Variants in TRPA1 observed in about 807,000 individuals in gnomAD.
TRPA1 encodes the protein ankyrin-like with transmembrane domains 1.
In TRPA1, 129 loss-of-function variants were observed where a neutral mutation model predicts 131.3. The observed-to-expected ratio is 0.98, with a 90% CI of 0.85 to 1.14. TRPA1 has a LOEUF of 1.14. Ranked by LOEUF, TRPA1 falls within the 50% of genes most tolerant of loss-of-function variation. TRPA1 has a pLI of 0.00. For synonymous variants in TRPA1, 441 were observed against 451.7 expected, an observed-to-expected ratio of 0.98 and a Z score of 0.30; for missense variants, 1,304 against 1,354.2, an observed-to-expected ratio of 0.96 and a Z score of 0.58.
upstream of TRPA1, among the ~76,000 whole-genome samples, chr8:72,076,277 G>A (rs535675313): frequency 2.6e-5 from 4 of 152,262 alleles, no homozygotes; most frequent in Non-Finnish European, 5.9e-5. Context: ...AAGTTTGTTT[G>A]CCCCCAGCTT....
chr8:72,037,186 T>C (rs982188450), intron 20 of TRPA1, among the ~76,000 whole-genome samples: 4 of 152,168 alleles, frequency 2.6e-5, no homozygotes, highest in Non-Finnish European at 4.4e-5. Context: ...GTACTTGCAA[T>C]GTATAATATT....
the TRPA1 span, among the ~76,000 whole-genome samples, chr8:72,086,410 G>T: frequency 4.6e-5 from 7 of 151,864 alleles, no homozygotes; most frequent in Non-Finnish European, 1.0e-4. Flanking sequence ...TAGGTTTTCC[G>T]CATTCTGTAC....
chr8:72,061,430 T>G (rs1805805128), intron 7 of TRPA1, among the ~76,000 whole-genome samples, 195 bp downstream of exon 7: 1 of 152,224 alleles, frequency 6.6e-6, no homozygotes, highest in Admixed American at 6.5e-5. Context: ...TTTTGTGAAA[T>G]TTCTTTAACA....
chr8:72,025,105 CGTGTGTGTGT>C (rs71265963), intron 25 of TRPA1, among the ~76,000 whole-genome samples: 35 of 120,222 alleles, frequency 2.9e-4, no homozygotes, highest in East Asian at 1.2e-3. Context: ...TGTGTGTGTT[CGTGTGTGTGT>C]GTGTGTGTGT....
intron 10 of TRPA1, chr8:72,056,318 G>T (rs1051007885): frequency 5.7e-6 from 1 of 176,882 alleles, no homozygotes; most frequent in African/African-American, 2.4e-5. Flanking sequence ...AATGATAAAT[G>T]AGAAGCTTAA....
chr8:72,076,695 G>A (rs1039870263), upstream of TRPA1: 3 of 152,246 alleles, frequency 2.0e-5, no homozygotes, highest in Non-Finnish European at 4.4e-5. Flanking sequence ...TGGACATGAT[G>A]ATATTGAGGA....
intron 26 of TRPA1, chr8:72,023,404 G>A (rs978972409): frequency 6.1e-5 from 30 of 493,816 alleles, no homozygotes; most frequent in Non-Finnish European, 9.2e-5. Flanking sequence ...CAGTTATTAC[G>A]TACCTAGTTG....
chr8:72,058,848 A>T (rs1384059064), intron 8 of TRPA1, among the ~76,000 whole-genome samples: 2 of 152,224 alleles, frequency 1.3e-5, no homozygotes, highest in East Asian at 3.8e-4. Context: ...CATCCGTATA[A>T]AGGGCATATT....
At chr8:72,061,879 T>G in intron 6 of TRPA1, 118 bp from the exon 7 acceptor site, 1 of 1,076,472 alleles carries the variant, frequency 9.3e-7, no homozygotes, top group East Asian at 2.6e-5. Flanking sequence ...TCTATCAGGC[T>G]GATCACCATT....
At chr8:72,056,803 C>T in intron 10 of TRPA1, 114 bp downstream of exon 10, 1 of 774,206 alleles carries the variant, frequency 1.3e-6, no homozygotes, top group Non-Finnish European at 2.2e-6. Flanking sequence ...TATTTTAAAA[C>T]ATTTTTAAAA....
At chr8:72,050,627 C>A in intron 15 of TRPA1, 151 bp downstream of exon 15, 3 of 617,812 alleles carry the variant, frequency 4.9e-6, no homozygotes, top group East Asian at 2.8e-5. Context: ...TCCAAGAAGG[C>A]CTTCCTTAAA....
the TRPA1 span, among the ~76,000 whole-genome samples, chr8:72,081,563 A>G: frequency 9.2e-5 from 14 of 151,876 alleles, no homozygotes; most frequent in Admixed American, 6.5e-4. Context: ...GTGATTTTCT[A>G]TTTATTATGT....
chr8:72,039,887 T>C (rs950367556), intron 17 of TRPA1, 90 bp from the exon 18 acceptor site: 3 of 880,228 alleles, frequency 3.4e-6, no homozygotes, highest in Non-Finnish European at 3.7e-6. Flanking sequence ...TTTATAACTG[T>C]GTTTGGTATT....
chr8:72,053,315 C>A, intron 13 of TRPA1: 1 of 231,890 alleles, frequency 4.3e-6, no homozygotes. Flanking sequence ...GTCTTCTATC[C>A]CCATCATTTT....
chr8:72,086,410 G>A, the TRPA1 span, among the ~76,000 whole-genome samples: 58 of 151,984 alleles, frequency 3.8e-4, no homozygotes, highest in Non-Finnish European at 6.5e-4. Context: ...TAGGTTTTCC[G>A]CATTCTGTAC....
In TRPA1 at chr8:72,055,546, C is replaced by A; in HGVS notation, c.1419G>T (p.Arg473Ser). The A allele has an allele frequency of 1.2e-6, 2 of 1,613,602 alleles. No homozygotes were observed. Among genetic ancestry groups the A allele is most frequent in the Non-Finnish European group, 1.7e-6 (2 of 1,179,672 alleles). Residue 473 changes from arginine (R) to serine (S), a missense_variant, in exon 12 of 27, where the codon AGG becomes AGT. Arg to Ser is a moderately radical substitution (Grantham distance 110). Transcript: ENST00000262209. ...CATGAAGGTCACCTTCATTCAGAAG[C>A]CTCGTATCACTTATGTCTTGTAGGA... The part of the protein sequence containing the change: ...QRLLQDISDT[R>S]LLNEGDLHGM...
intron 21 of TRPA1, among the ~76,000 whole-genome samples, chr8:72,034,659 A>G (rs1811962790): frequency 6.6e-6 from 1 of 152,120 alleles, no homozygotes; most frequent in Admixed American, 6.5e-5. Context: ...CAGTGGGGCA[A>G]TCATTGCTCA....
chr8:72,049,494 T>G lies in TRPA1; in HGVS notation c.1905+1284A>C, dbSNP rs976583536. Reference sequence around the variant, plus strand: ...CCTCCTCCAGCATTTGTATATATTTTTCCTTTGCATGACATCTGAAGTCAT... The same window carrying G: ...CCTCCTCCAGCATTTGTATATATTTGTCCTTTGCATGACATCTGAAGTCAT... On this transcript the variant is annotated intron_variant, in intron 15 of 26. Coordinates refer to ENST00000262209, the MANE Select transcript of TRPA1 (RefSeq NM_007332.3). Among the ~76,000 whole-genome samples, 6 of 152,160 alleles carry G rather than the reference T, an allele frequency of 3.9e-5. No homozygotes were observed. In the South Asian group the frequency reaches 1.0e-3, roughly 26 times the overall value.
chr8:72,031,613 CAAAA>C (rs1237882177), intron 23 of TRPA1, among the ~76,000 whole-genome samples: 1 of 150,658 alleles, frequency 6.6e-6, no homozygotes, highest in African/African-American at 2.4e-5. Context: ...AACAAAAAAA[CAAAA>C]AACAAACAAA....
Sources: allele counts gnomAD v4.1 joint callset (sites outside exome capture counted in the v4.1 genomes callset), GRCh38; gene constraint gnomAD v4.1.1; transcripts MANE v1.5; gene names NCBI Gene and HGNC (gene_info 2026-07-23, HGNC 2026-07-21).